BMP6: variants seen among roughly 807,000 people sequenced by gnomAD.
BMP6 encodes the protein bone morphogenetic protein 6.
Under a neutral mutation model 54.1 loss-of-function variants are expected in BMP6, and 17 were observed. That is an observed-to-expected ratio of 0.31 (90% CI 0.22 to 0.47). The LOEUF is 0.47. BMP6 is among the 20% of genes least tolerant of loss of function. The pLI is 1.00. For synonymous variants in BMP6, 328 were observed against 291.2 expected, an observed-to-expected ratio of 1.13 and a Z score of -1.28; for missense variants, 720 against 690.4, an observed-to-expected ratio of 1.04 and a Z score of -0.48.
At chr6:7,860,014 C>T (rs1272552980) in intron 2 of BMP6, among the ~76,000 whole-genome samples, 1 of 152,212 alleles carries the variant, frequency 6.6e-6, no homozygotes, top group Non-Finnish European at 1.5e-5. Context: ...TTCATTCATT[C>T]ATCACAGGTC....
intron 1 of BMP6, among the ~76,000 whole-genome samples, chr6:7,783,335 A>G (rs142024081): frequency 6.6e-6 from 1 of 152,218 alleles, no homozygotes; most frequent in Admixed American, 6.5e-5. Flanking sequence ...ATAACATGTA[A>G]AGTTATCCGG....
chr6:7,807,868 G>T (rs914221313), intron 1 of BMP6, among the ~76,000 whole-genome samples: 2 of 150,118 alleles, frequency 1.3e-5, no homozygotes, highest in Non-Finnish European at 3.0e-5. Flanking sequence ...GCCTGTGCCT[G>T]CAATTGATTG....
intron 1 of BMP6, among the ~76,000 whole-genome samples, chr6:7,791,567 G>T (rs1389625178): frequency 6.6e-6 from 1 of 152,058 alleles, no homozygotes; most frequent in African/African-American, 2.4e-5. Flanking sequence ...TTGAGCTGCT[G>T]CCCCTTAACC....
chr6:7,789,424 C>G (rs1428963114), intron 1 of BMP6, among the ~76,000 whole-genome samples: 1 of 152,050 alleles, frequency 6.6e-6, no homozygotes, highest in Admixed American at 6.5e-5. Flanking sequence ...AAAAACATTT[C>G]CAAAGATACT....
In BMP6 at chr6:7,727,129, G is replaced by A; in HGVS notation, c.174G>A (p.Pro58=). ...GSPGRTEQPP[P]SPQSSSGFLY... ...CCGGCCGCACGGAGCAGCCGCCGCC[G>A]TCGCCGCAGTCCTCCTCGGGCTTCC... The change falls in exon 1 of 7, where the codon CCG becomes CCA. Residue 58 remains proline, a synonymous_variant. Coordinates refer to ENST00000283147, the MANE Select transcript of BMP6 (RefSeq NM_001718.6). 2.6e-6 allele frequency: 4 copies of A among 1,531,370 alleles called. No homozygotes were observed. The highest frequency in any genetic ancestry group is 3.5e-6 in the Non-Finnish European group (4 of 1,141,774). The allele number at this position is 1,531,370 out of a possible 1,614,324, so 94.9% of individuals were successfully genotyped here.
intron 1 of BMP6, among the ~76,000 whole-genome samples, chr6:7,821,199 C>T (rs1408343654): frequency 6.6e-6 from 1 of 152,188 alleles, no homozygotes; most frequent in Non-Finnish European, 1.5e-5. Context: ...AGCTTTCCAC[C>T]TTGTTCTATC....
chr6:7,871,447 C>T (rs1483704846), intron 4 of BMP6, among the ~76,000 whole-genome samples: 2 of 152,196 alleles, frequency 1.3e-5, no homozygotes, highest in East Asian at 1.9e-4. Context: ...GGAAGGAATT[C>T]GTCCTGGGGG....
At chr6:7,789,150 C>T (rs187131646) in intron 1 of BMP6, among the ~76,000 whole-genome samples, 9 of 152,282 alleles carry the variant, frequency 5.9e-5, no homozygotes, top group East Asian at 1.9e-4. Flanking sequence ...CTTCAGAACT[C>T]GTTCATCTCG....
At chr6:7,825,935 T>G (rs1210520418) in intron 1 of BMP6, among the ~76,000 whole-genome samples, 1 of 152,054 alleles carries the variant, frequency 6.6e-6, no homozygotes. Context: ...GCAAAATCAG[T>G]CCAGACCCTT....
At chr6:7,778,214 A>G (rs1458936499) in intron 1 of BMP6, among the ~76,000 whole-genome samples, 2 of 152,238 alleles carry the variant, frequency 1.3e-5, no homozygotes, top group Admixed American at 1.3e-4. Context: ...GTGGGTGTAC[A>G]CAGGATAAAT....
chr6:7,735,879 C>T (rs1407675154), intron 1 of BMP6, among the ~76,000 whole-genome samples: 2 of 152,124 alleles, frequency 1.3e-5, no homozygotes, highest in Non-Finnish European at 2.9e-5. Flanking sequence ...AACTACTCTG[C>T]CCTACAAATC....
In BMP6 at chr6:7,807,913, CTTTTTTTT is replaced by C. The variant is rs755894743; in HGVS notation, c.665-37209_665-37202del. On this transcript the variant is annotated intron_variant, in intron 1 of 6. Coordinates refer to ENST00000283147, the MANE Select transcript of BMP6 (RefSeq NM_001718.6). ...TTGTATTACTAACGGGAAGTCTTTA[CTTTTTTTT>C]TTTTTTTTTTTTTTTTTGAGACGGA... Among the ~76,000 whole-genome samples, 10 of 81,482 alleles carry C rather than the reference CTTTTTTTT, an allele frequency of 1.2e-4. No individual in the cohort carries two copies. In the South Asian group the frequency reaches 1.4e-3, roughly 11 times the overall value. 53.5% of individuals were successfully genotyped at this position (81,482 alleles called of 152,430 possible).
At chr6:7,755,021 T>C (rs1757491691) in intron 1 of BMP6, among the ~76,000 whole-genome samples, 1 of 152,228 alleles carries the variant, frequency 6.6e-6, no homozygotes, top group African/African-American at 2.4e-5. Flanking sequence ...CCCGGACTAA[T>C]TTTCTAACCT....
At position 7,726,923 on chromosome 6, in the gene BMP6, C is replaced by T. The variant is rs1761735675; in HGVS notation, c.-33C>T. On this transcript the variant is annotated 5_prime_UTR_variant, in exon 1 of 7. Transcript: ENST00000283147. ...CCTCGCTCCGCCGCTCCACGCCTCG[C>T]GGGATCCGCGGGGGCAGCCCGGCCG... The T allele has an allele frequency of 1.8e-6, 2 of 1,126,386 alleles. No homozygotes were observed. The highest frequency in any genetic ancestry group is 4.3e-5 in the South Asian group (1 of 23,328). The allele number at this position is 1,126,386 out of a possible 1,614,324, so 69.8% of individuals were successfully genotyped here. A position where few individuals can be genotyped will look rare whatever the true frequency, so the allele number is the denominator to read the frequency against.
chr6:7,764,359 A>G (rs1757655142), intron 1 of BMP6, among the ~76,000 whole-genome samples: 1 of 152,174 alleles, frequency 6.6e-6, no homozygotes. Context: ...TGCAACTTGG[A>G]GCAAAAGACA....
At chr6:7,858,109 G>A (rs1759277248) in intron 2 of BMP6, among the ~76,000 whole-genome samples, 1 of 152,040 alleles carries the variant, frequency 6.6e-6, no homozygotes, top group African/African-American at 2.4e-5. Context: ...TTTAGACAGG[G>A]TCTCACTCTG....
rs375018487 is a variant in BMP6 at position 7,869,141 on chromosome 6, G to T, written c.1204+6643G>T. 3.9e-5 allele frequency among the ~76,000 whole-genome samples: 6 copies of T among 152,342 alleles called. 1 individual carries two copies. The East Asian group carries it at 1.2e-3, about 29-fold the overall frequency. On this transcript the variant is annotated intron_variant, in intron 4 of 6. Transcript: ENST00000283147. ...TCATACTCACAGCAGCAGCTGCGTG[G>T]TGGCCCTCCAGCCCCGCGGTGCAGC...
At chr6:7,740,252 T>C (rs1413394363) in intron 1 of BMP6, among the ~76,000 whole-genome samples, 1 of 152,134 alleles carries the variant, frequency 6.6e-6, no homozygotes, top group South Asian at 2.1e-4. Flanking sequence ...GAGTGCCTCC[T>C]CACGTGTTTG....
intron 2 of BMP6, among the ~76,000 whole-genome samples, chr6:7,860,342 C>T (rs1015270321): frequency 2.0e-5 from 3 of 152,162 alleles, no homozygotes; most frequent in African/African-American, 7.2e-5. Flanking sequence ...CAAAATATTT[C>T]CAATACCAGG....
Sources: allele counts gnomAD v4.1 joint callset (sites outside exome capture counted in the v4.1 genomes callset), GRCh38; gene constraint gnomAD v4.1.1; transcripts MANE v1.5; gene names NCBI Gene and HGNC (gene_info 2026-07-23, HGNC 2026-07-21).